NKAIN3: variants seen among roughly 807,000 people sequenced by gnomAD.
The protein encoded by NKAIN3 is sodium/potassium-transporting ATPase subunit beta-1-interacting protein 3.
In NKAIN3, 25 loss-of-function variants were observed where a neutral mutation model predicts 30.2. That is an observed-to-expected ratio of 0.83 (90% CI 0.60 to 1.16). NKAIN3 has a LOEUF of 1.16. Ranked by LOEUF, NKAIN3 falls within the 50% of genes most tolerant of loss-of-function variation. The probability of loss-of-function intolerance (pLI) is 0.00; values close to 1 mark genes in which losing one functional copy is unlikely to be tolerated. For missense variants in NKAIN3, 225 were observed against 254.1 expected, an observed-to-expected ratio of 0.89 and a Z score of 0.78; for synonymous variants, 91 against 89.6, an observed-to-expected ratio of 1.02 and a Z score of -0.09.
chr8:62,290,838 G>A (rs879995522), intron 1 of NKAIN3, among the ~76,000 whole-genome samples: 1 of 152,104 alleles, frequency 6.6e-6, no homozygotes, highest in African/African-American at 2.4e-5. Flanking sequence ...TGTACCTCTG[G>A]TAGAATTCAG....
intron 4 of NKAIN3, among the ~76,000 whole-genome samples, chr8:62,891,663 C>G (rs1010520507): frequency 6.6e-6 from 1 of 152,118 alleles, no homozygotes; most frequent in Admixed American, 6.6e-5. Flanking sequence ...ATCTAGTTAG[C>G]CTTTTGAACA....
intron 1 of NKAIN3, among the ~76,000 whole-genome samples, chr8:62,461,750 A>G (rs529471364): frequency 9.9e-5 from 15 of 152,196 alleles, no homozygotes; most frequent in Non-Finnish European, 2.1e-4. Flanking sequence ...AAATGGGTCA[A>G]TTGAGGTTAT....
intron 1 of NKAIN3, among the ~76,000 whole-genome samples, chr8:62,260,707 G>T (rs1249692292): frequency 1.3e-5 from 2 of 152,116 alleles, no homozygotes; most frequent in African/African-American, 4.8e-5. Context: ...TAGCTTCCTG[G>T]TGGGTTTCCA....
intron 4 of NKAIN3, among the ~76,000 whole-genome samples, chr8:62,751,112 C>G (rs920642701): frequency 1.3e-5 from 2 of 152,130 alleles, no homozygotes; most frequent in Non-Finnish European, 2.9e-5. Flanking sequence ...TCGTGACCTG[C>G]GCCAGCCTAA....
intron 1 of NKAIN3, among the ~76,000 whole-genome samples, chr8:62,396,370 C>G (rs183781569): frequency 1.3e-5 from 2 of 152,302 alleles, no homozygotes; most frequent in Admixed American, 1.3e-4. Flanking sequence ...CCTATACTCT[C>G]CTTAGTGTAT....
intron 1 of NKAIN3, among the ~76,000 whole-genome samples, chr8:62,350,802 T>A (rs531015325): frequency 6.6e-6 from 1 of 152,144 alleles, no homozygotes; most frequent in East Asian, 1.9e-4. Flanking sequence ...GCGATTCTCA[T>A]GCCTCAGCTT....
chr8:62,515,451 T>C (rs1807956329), intron 1 of NKAIN3, among the ~76,000 whole-genome samples: 1 of 152,138 alleles, frequency 6.6e-6, no homozygotes, highest in Non-Finnish European at 1.5e-5. Context: ...GTGGTGAGTA[T>C]CATTATGCAC....
At chr8:62,530,090 A>G (rs1771473157) in intron 1 of NKAIN3, among the ~76,000 whole-genome samples, 1 of 152,204 alleles carries the variant, frequency 6.6e-6, no homozygotes, top group Non-Finnish European at 1.5e-5. Flanking sequence ...ACTTGTAATT[A>G]TAATAGAAAC....
rs191355962 is a variant in NKAIN3, at chr8:62,280,135, A to G, written c.54+31008A>G. 5.3e-5 allele frequency among the ~76,000 whole-genome samples: 8 copies of G among 150,686 alleles called. No individual in the cohort carries two copies. In the East Asian group the frequency reaches 7.9e-4, roughly 15 times the overall value. ...CTAGGTATTTTATTCTCTTTGAAGC[A>G]ATTGTGAATGGGAGTTAACTCACGA... is the stretch of plus-strand genomic sequence containing the variant. On this transcript the variant is annotated intron_variant, in intron 1 of 6. Transcript: ENST00000623646.
At chr8:62,499,995 TCA>T (rs1265060778) in intron 1 of NKAIN3, among the ~76,000 whole-genome samples, 1 of 152,142 alleles carries the variant, frequency 6.6e-6, no homozygotes, top group Non-Finnish European at 1.5e-5. Flanking sequence ...AAGAGGAAGA[TCA>T]GACCTAGCAT....
chr8:62,417,410 G>T (rs1804483382), intron 1 of NKAIN3, among the ~76,000 whole-genome samples: 1 of 152,016 alleles, frequency 6.6e-6, no homozygotes, highest in Admixed American at 6.6e-5. Context: ...CTTGAATATT[G>T]TAAACAGTGC....
In NKAIN3 at chr8:62,483,782, C is replaced by G. The variant is rs1357547596; in HGVS notation, c.55-95757C>G. 1.6e-5 allele frequency: 4 copies of G among 256,324 alleles called. No homozygotes were observed. The Admixed American group carries it at 1.7e-4, about 11-fold the overall frequency. 15.9% of individuals were successfully genotyped at this position (256,324 alleles called of 1,614,324 possible). On this transcript the variant is annotated intron_variant, in intron 1 of 6. Coordinates refer to ENST00000623646, the MANE Select transcript of NKAIN3 (RefSeq NM_001304533.3). ...CCGCATTTGCAGCTTCTTCAAGCTC[C>G]TCTACCAGCCTCCTGTTGGCTGCCC...
chr8:62,820,759 T>C (rs1818824082), intron 4 of NKAIN3, among the ~76,000 whole-genome samples: 1 of 152,008 alleles, frequency 6.6e-6, no homozygotes, highest in Non-Finnish European at 1.5e-5. Flanking sequence ...TTGGAGTAAG[T>C]GAGATGAAGC....
chr8:62,964,676 C>T (rs928198826), intron 6 of NKAIN3, among the ~76,000 whole-genome samples: 1 of 151,886 alleles, frequency 6.6e-6, no homozygotes, highest in South Asian at 2.1e-4. Flanking sequence ...AGACTTTCTT[C>T]TAACTCAAGA....
intron 4 of NKAIN3, among the ~76,000 whole-genome samples, chr8:62,849,578 T>C (rs1819809933): frequency 6.6e-6 from 1 of 151,494 alleles, no homozygotes; most frequent in Non-Finnish European, 1.5e-5. Flanking sequence ...TAGGTATATC[T>C]CCTAATGCTA....
At chr8:62,635,162 TAAATC>T (rs1345852158) in intron 3 of NKAIN3, among the ~76,000 whole-genome samples, 3 of 152,052 alleles carry the variant, frequency 2.0e-5, no homozygotes, top group South Asian at 2.1e-4. Context: ...GAATAAAAAA[TAAATC>T]AAAGATCAAA....
chr8:62,838,320 A>C (rs922681471), intron 4 of NKAIN3, among the ~76,000 whole-genome samples: 3 of 151,534 alleles, frequency 2.0e-5, no homozygotes, highest in African/African-American at 7.3e-5. Flanking sequence ...ATATATATAC[A>C]TATATATATA....
At chr8:62,856,244 T>C (rs1820055876) in intron 4 of NKAIN3, 6 of 881,764 alleles carry the variant, frequency 6.8e-6, no homozygotes, top group South Asian at 2.6e-5. Flanking sequence ...TGTTTCCCAA[T>C]AGAGCTTTAT....
chr8:62,831,962 A>T (rs75370195), intron 4 of NKAIN3, among the ~76,000 whole-genome samples: 2,062 of 152,194 alleles, frequency 0.014, 55 homozygotes, highest in African/African-American at 0.048. Flanking sequence ...AAGGCAGCTT[A>T]AAAAAAGAAA....
Sources: allele counts gnomAD v4.1 joint callset (sites outside exome capture counted in the v4.1 genomes callset), GRCh38; gene constraint gnomAD v4.1.1; transcripts MANE v1.5; gene names NCBI Gene and HGNC (gene_info 2026-07-23, HGNC 2026-07-21).